The following FRMD4B variants were observed in gnomAD, a reference collection of about 807,000 sequenced individuals.
FRMD4B encodes the protein FERM domain containing 4B.
A neutral mutation model predicts 141.5 loss-of-function variants in FRMD4B; 74 were observed. The observed-to-expected ratio is 0.52, with a 90% confidence interval of 0.43 to 0.63. FRMD4B has a LOEUF of 0.63. Among genes scored for constraint, FRMD4B ranks in the 30% least tolerant of loss-of-function variants. The pLI is 0.00. For missense variants in FRMD4B, 1,366 were observed against 1,253.4 expected (o/e 1.09, Z -1.36); for synonymous variants, 506 against 467.9 (o/e 1.08, Z -1.05).
intron 1 of FRMD4B, among the ~76,000 whole-genome samples, chr3:69,484,987 C>G (rs1423281954): frequency 1.3e-5 from 2 of 152,172 alleles, no homozygotes; most frequent in Non-Finnish European, 2.9e-5. Flanking sequence ...CTGGGCCCCC[C>G]CACCTTCTGC....
intron 1 of FRMD4B, among the ~76,000 whole-genome samples, chr3:69,358,967 C>T (rs1213685326): frequency 2.0e-5 from 3 of 152,120 alleles, no homozygotes; most frequent in Non-Finnish European, 2.9e-5. Flanking sequence ...GACTTCCCAG[C>T]CTCCAGAACC....
intron 1 of FRMD4B, among the ~76,000 whole-genome samples, chr3:69,534,020 C>A (rs1483496809): frequency 6.6e-6 from 1 of 152,206 alleles, no homozygotes; most frequent in Middle Eastern, 3.2e-3. Context: ...CACAGACCAG[C>A]ACCGTTGGCA....
At chr3:69,465,047 G>A (rs1008201848) in intron 1 of FRMD4B, among the ~76,000 whole-genome samples, 7 of 152,150 alleles carry the variant, frequency 4.6e-5, no homozygotes, top group Non-Finnish European at 7.3e-5. Context: ...TCATCCAGGC[G>A]TGGTGGCTCA....
chr3:69,431,940 C>A (rs1705186630), intron 2 of FRMD4B, among the ~76,000 whole-genome samples: 1 of 152,224 alleles, frequency 6.6e-6, no homozygotes, highest in South Asian at 2.1e-4. Context: ...CTTCTGAGAG[C>A]ATCTCATGAA....
chr3:69,484,693 C>T (rs1246757997), intron 1 of FRMD4B, among the ~76,000 whole-genome samples: 1 of 151,998 alleles, frequency 6.6e-6, no homozygotes, highest in Non-Finnish European at 1.5e-5. Flanking sequence ...GATAGCTCCT[C>T]TCTGCTGCTG....
intron 19 of FRMD4B, among the ~76,000 whole-genome samples, chr3:69,183,641 C>G (rs1264154797): frequency 6.6e-6 from 1 of 151,858 alleles, no homozygotes; most frequent in Non-Finnish European, 1.5e-5. Context: ...CACCACCACG[C>G]CTGGCTAATT....
At chr3:69,509,057 C>A (rs912228749) in intron 1 of FRMD4B, among the ~76,000 whole-genome samples, 2 of 152,244 alleles carry the variant, frequency 1.3e-5, no homozygotes, top group African/African-American at 2.4e-5. Flanking sequence ...CTGCTCCCAT[C>A]TAGCTATGTC....
chr3:69,185,312 A>G (rs183078063), intron 19 of FRMD4B, among the ~76,000 whole-genome samples: 1,835 of 151,578 alleles, frequency 0.012, 53 homozygotes, highest in Admixed American at 0.06. Context: ...AAAAAAAAAA[A>G]AAAAGAAAAG....
chr3:69,452,117 T>G (rs189494039), intron 1 of FRMD4B, among the ~76,000 whole-genome samples: 1 of 152,372 alleles, frequency 6.6e-6, no homozygotes, highest in Admixed American at 6.5e-5. Flanking sequence ...GCATCATCAT[T>G]TATTCCTTCA....
chr3:69,467,204 A>G (rs1273268166), intron 1 of FRMD4B, among the ~76,000 whole-genome samples: 5 of 152,180 alleles, frequency 3.3e-5, no homozygotes, highest in African/African-American at 1.2e-4. Context: ...CTGCAATTTG[A>G]CATGTCACTT....
chr3:69,425,647 G>A (rs956571775), intron 2 of FRMD4B, among the ~76,000 whole-genome samples: 2 of 152,178 alleles, frequency 1.3e-5, no homozygotes, highest in African/African-American at 4.8e-5. Context: ...CCATCTTGAT[G>A]CCAGGTGAAG....
intron 1 of FRMD4B, among the ~76,000 whole-genome samples, chr3:69,494,349 A>C (rs1362793833): frequency 2.6e-5 from 4 of 152,220 alleles, no homozygotes; most frequent in Admixed American, 2.0e-4. Context: ...ATTCAGTAAG[A>C]CAGAAAATAG....
At chr3:69,252,709 T>C (rs1313775109) in intron 5 of FRMD4B, among the ~76,000 whole-genome samples, 3 of 152,336 alleles carry the variant, frequency 2.0e-5, no homozygotes, top group Admixed American at 2.0e-4. Context: ...GCCTGAAGTG[T>C]AAAAGCTGTT....
At chr3:69,330,805 C>G (rs1039597275) in intron 1 of FRMD4B, among the ~76,000 whole-genome samples, 1 of 152,120 alleles carries the variant, frequency 6.6e-6, no homozygotes, top group Non-Finnish European at 1.5e-5. Flanking sequence ...CCTCTTTTGC[C>G]GCTGAATTGC....
intron 2 of FRMD4B, among the ~76,000 whole-genome samples, chr3:69,420,349 T>C (rs1474784487): frequency 1.3e-5 from 2 of 149,038 alleles, no homozygotes; most frequent in Non-Finnish European, 3.0e-5. Flanking sequence ...GGAACAATCA[T>C]ATGTCTCAGG....
chr3:69,222,792 A>C (rs1287470294), intron 8 of FRMD4B, among the ~76,000 whole-genome samples: 2 of 152,270 alleles, frequency 1.3e-5, no homozygotes, highest in African/African-American at 4.8e-5. Context: ...AACTTAATTT[A>C]CTAGAAAAGG....
intron 1 of FRMD4B, among the ~76,000 whole-genome samples, chr3:69,514,864 C>T (rs1323874998): frequency 6.6e-6 from 1 of 152,058 alleles, no homozygotes; most frequent in African/African-American, 2.4e-5. Flanking sequence ...AAAAATCCAT[C>T]CTAAAATTCC....
intron 21 of FRMD4B, among the ~76,000 whole-genome samples, chr3:69,177,804 G>A (rs2092663874): frequency 6.6e-6 from 1 of 152,200 alleles, no homozygotes; most frequent in Non-Finnish European, 1.5e-5. Context: ...GGCCTTGGAG[G>A]AAATGTGTTC....
intron 1 of FRMD4B, among the ~76,000 whole-genome samples, chr3:69,497,034 T>A (rs981198380): frequency 6.6e-6 from 1 of 152,044 alleles, no homozygotes; most frequent in East Asian, 1.9e-4. Context: ...ACTCTGACCA[T>A]GTGACTTGTT....
Sources: gnomAD v4.1 joint callset for allele counts (sites outside exome capture counted in the v4.1 genomes callset) on GRCh38, gnomAD v4.1.1 for gene constraint, MANE v1.5 for transcripts, NCBI Gene and HGNC (gene_info 2026-07-23, HGNC 2026-07-21) for gene names.